WDR1: variants seen among roughly 807,000 people sequenced by gnomAD.
WDR1 encodes the protein WD repeat domain 1.
Under a neutral mutation model 71.9 loss-of-function variants are expected in WDR1, and 21 were observed. That is an observed-to-expected ratio of 0.29 (90% confidence interval 0.21 to 0.42). WDR1 has a LOEUF of 0.42. Ranked by LOEUF, WDR1 falls within the 10% of genes least tolerant of loss-of-function variation. The probability of loss-of-function intolerance (pLI) is 1.00; values close to 1 mark genes in which losing one functional copy is unlikely to be tolerated. For missense variants in WDR1, 696 were observed against 824.5 expected, an observed-to-expected ratio of 0.84 and a Z score of 1.91; for synonymous variants, 424 against 347.4, an observed-to-expected ratio of 1.22 and a Z score of -2.45.
At position 10,116,730 on chromosome 4, in the gene WDR1, T is replaced by C. The variant is rs1400739351; in HGVS notation, c.-64A>G. The C allele has an allele frequency of 1.2e-5, 15 of 1,290,464 alleles. No homozygotes were observed. The highest frequency in any genetic ancestry group is 1.5e-5 in the Non-Finnish European group (15 of 1,016,872). 79.9% of individuals were successfully genotyped at this position (1,290,464 alleles called of 1,614,324 possible). On this transcript the variant is annotated 5_prime_UTR_variant, in exon 1 of 15. Coordinates refer to ENST00000499869, the MANE Select transcript of WDR1 (RefSeq NM_017491.5). Reference sequence around the variant, plus strand: ...CTCCGGGGCCGGCCCGCGCTGCGAATTACACCTCGCCGAGGCCGAGCCCGG... The same window carrying C: ...CTCCGGGGCCGGCCCGCGCTGCGAACTACACCTCGCCGAGGCCGAGCCCGG...
chr4:10,111,599 C>A (rs1713367451), intron 2 of WDR1, among the ~76,000 whole-genome samples: 1 of 152,196 alleles, frequency 6.6e-6, no homozygotes, highest in Admixed American at 6.5e-5. Flanking sequence ...CCATCCTGCA[C>A]CCCCACAGGC....
Position 10,096,932 on chromosome 4 carries a change from A to G in WDR1, c.558+779T>C, listed in dbSNP as rs553767650. Among the ~76,000 whole-genome samples the G allele has an allele frequency of 2.2e-4, 34 of 152,370 alleles. 1 individual carries two copies. The East Asian group carries it at 6.6e-3, about 29-fold the overall frequency. The stretch of plus-strand genomic sequence containing the variant: ...AAGCACAAGCGGGATGGGGAAAGCC[A>G]GGGCAGAGCCGTGGGGTTGTGCTGA... On this transcript the variant is annotated intron_variant, in intron 5 of 14. Coordinates refer to ENST00000499869, the MANE Select transcript of WDR1 (RefSeq NM_017491.5).
intron 12 of WDR1, 85 bp downstream of exon 12, chr4:10,078,806 G>T: frequency 8.4e-7 from 1 of 1,191,616 alleles, no homozygotes; most frequent in Non-Finnish European, 1.2e-6. Flanking sequence ...CCCTGAGACA[G>T]CCCCGGTACT....
In WDR1 at chr4:10,098,999, T is replaced by G; in HGVS notation, c.370A>C (p.Arg124=). Residue 124 remains arginine, a synonymous_variant, in exon 4 of 15, where the codon AGG becomes CGG. Transcript: ENST00000499869. ...SKRIAVVGEG[R]EKFGAVFLWD... ...CTGAGAGGAGTGACTCACTTCTCCCTTCCTTCCCCGACCACGGCGATCCTC... is the reference window on the plus strand; with the variant it reads ...CTGAGAGGAGTGACTCACTTCTCCCGTCCTTCCCCGACCACGGCGATCCTC... 6.2e-7 allele frequency: 1 copy of G among 1,614,002 alleles called. No homozygotes were observed. The highest frequency in any genetic ancestry group is 8.5e-7 in the Non-Finnish European group (1 of 1,179,892).
chr4:10,090,429 C>T (rs1159369916), intron 5 of WDR1, among the ~76,000 whole-genome samples: 2 of 152,150 alleles, frequency 1.3e-5, no homozygotes, highest in East Asian at 3.9e-4. Flanking sequence ...ATACAGACAC[C>T]GTTCAGTCTG....
At chr4:10,079,579 G>T (rs1764937423) in intron 11 of WDR1, among the ~76,000 whole-genome samples, 1 of 152,206 alleles carries the variant, frequency 6.6e-6, no homozygotes, top group Admixed American at 6.5e-5. Flanking sequence ...TCTGCAGCGG[G>T]GGCCTTCCTT....
chr4:10,078,762 G>A (rs1446624331), intron 12 of WDR1, 129 bp downstream of exon 12: 8 of 735,206 alleles, frequency 1.1e-5, no homozygotes, highest in East Asian at 3.2e-5. Context: ...CCCACGCCCC[G>A]ACTGCCCCCA....
At chr4:10,089,247 G>C (rs1423957113) in intron 5 of WDR1, among the ~76,000 whole-genome samples, 1 of 152,226 alleles carries the variant, frequency 6.6e-6, no homozygotes, top group African/African-American at 2.4e-5. Flanking sequence ...TAGCTGGGAC[G>C]ACAGGTGCCC....
chr4:10,087,928 G>A lies in WDR1; in HGVS notation c.730C>T (p.Pro244Ser). 1 of 1,553,968 alleles carries A rather than the reference G, an allele frequency of 6.4e-7. No homozygotes were observed. The highest frequency in any genetic ancestry group is 8.7e-7 in the Non-Finnish European group (1 of 1,148,064). ...DGGIYAISWS[P>S]DSTHLLSASG... ...GCAGAAAGCAAATGGGTGCTGTCGGGACTCCAACTAATCTATTCAGAAAAA... is the reference window on the plus strand; with the variant it reads ...GCAGAAAGCAAATGGGTGCTGTCGGAACTCCAACTAATCTATTCAGAAAAA... The change falls in exon 8 of 15, where the codon CCC becomes TCC. Residue 244 changes from proline (P) to serine (S), a missense_variant. Pro to Ser is a moderately conservative substitution (Grantham distance 74). Transcript: ENST00000499869.
chr4:10,079,300 C>T (rs1373127201), intron 11 of WDR1, among the ~76,000 whole-genome samples: 3 of 152,196 alleles, frequency 2.0e-5, no homozygotes, highest in Admixed American at 2.0e-4. Context: ...CACTTGGCCT[C>T]GATGGGAATC....
rs1364453484 is a variant in WDR1 at position 10,074,750 on chromosome 4, A to G, written c.*628T>C. 1 of 152,488 alleles carries G rather than the reference A, an allele frequency of 6.6e-6. No homozygotes were observed. The highest frequency in any genetic ancestry group is 1.5e-5 in the Non-Finnish European group (1 of 68,058). 9.4% of individuals were successfully genotyped at this position (152,488 alleles called of 1,614,324 possible). Reference sequence around the variant, plus strand: ...ACAGGCAACAGTTAAGATACATTAAAAAAAAAGGAAAGATACCCACAATTC... The same window carrying G: ...ACAGGCAACAGTTAAGATACATTAAGAAAAAAGGAAAGATACCCACAATTC... On this transcript the variant is annotated 3_prime_UTR_variant, in exon 15 of 15. Transcript: ENST00000499869.
chr4:10,116,485 G>T, intron 1 of WDR1, 166 bp downstream of exon 1: 2 of 711,122 alleles, frequency 2.8e-6, no homozygotes, highest in Non-Finnish European at 3.8e-6. Context: ...CCCGTCGGGG[G>T]TCCCGCCCTG....
intron 4 of WDR1, among the ~76,000 whole-genome samples, chr4:10,098,675 T>G (rs1712506853): frequency 6.6e-6 from 1 of 152,208 alleles, no homozygotes; most frequent in Non-Finnish European, 1.5e-5. Context: ...CGAATAGAAG[T>G]GCTGTTGCTC....
chr4:10,085,738 G>A (rs1463335039), intron 8 of WDR1, among the ~76,000 whole-genome samples: 1 of 152,240 alleles, frequency 6.6e-6, no homozygotes, highest in Non-Finnish European at 1.5e-5. Context: ...CTCTGGGGGC[G>A]TCAGCAGCCA....
rs774637484 is a variant in WDR1 at position 10,097,802 on chromosome 4, T to C, written c.467A>G (p.Gln156Arg). ...NKVINSVDIK[Q>R]SRPYRLATGS... ...CGTGGCCAGCCGGTATGGCCGGCTC[T>C]GCTTGATGTCCACGCTGTTGATGAC... is the stretch of plus-strand genomic sequence containing the variant. Residue 156 changes from glutamine to arginine, a missense_variant, in exon 5 of 15, where the codon CAG becomes CGG. Physicochemically the swap from Gln to Arg is conservative, Grantham distance 43. Coordinates refer to ENST00000499869, the MANE Select transcript of WDR1 (RefSeq NM_017491.5). The C allele has an allele frequency of 6.8e-6, 11 of 1,613,698 alleles. No individual in the cohort carries two copies. Among genetic ancestry groups the C allele is most frequent in the Non-Finnish European group, 8.5e-6 (10 of 1,179,846 alleles).
chr4:10,104,990 G>C (rs1482301696), intron 2 of WDR1, among the ~76,000 whole-genome samples: 1 of 151,982 alleles, frequency 6.6e-6, no homozygotes, highest in Non-Finnish European at 1.5e-5. Flanking sequence ...TCACGAGACT[G>C]AGACCACAGA....
chr4:10,110,023 A>G (rs2108803825), intron 2 of WDR1, among the ~76,000 whole-genome samples: 1 of 152,282 alleles, frequency 6.6e-6, no homozygotes, highest in African/African-American at 2.4e-5. Flanking sequence ...AGTTTCAGCC[A>G]CAGACCAGCA....
At chr4:10,103,699 C>G (rs1357208226) in intron 3 of WDR1, among the ~76,000 whole-genome samples, 197 bp downstream of exon 3, 1 of 152,248 alleles carries the variant, frequency 6.6e-6, no homozygotes, top group Non-Finnish European at 1.5e-5. Flanking sequence ...TTGGACAAGG[C>G]TGGCTTACAC....
At chr4:10,090,977 T>G (rs1711939964) in intron 5 of WDR1, among the ~76,000 whole-genome samples, 3 of 152,240 alleles carry the variant, frequency 2.0e-5, no homozygotes, top group African/African-American at 7.2e-5. Context: ...CCAGGCTGGC[T>G]CAGTCTGAAC....
Sources: gnomAD v4.1 joint callset for allele counts (sites outside exome capture counted in the v4.1 genomes callset) on GRCh38, gnomAD v4.1.1 for gene constraint, MANE v1.5 for transcripts, NCBI Gene and HGNC (gene_info 2026-07-23, HGNC 2026-07-21) for gene names.